MITF: variants seen among roughly 807,000 people sequenced by gnomAD.
The protein encoded by MITF is melanocyte inducing transcription factor, also known as microphthalmia-associated transcription factor.
Under a neutral mutation model 60.5 loss-of-function variants are expected in MITF, and 17 were observed. The observed-to-expected ratio is 0.28, with a 90% CI of 0.19 to 0.42. The LOEUF (loss-of-function observed/expected upper bound fraction) is 0.42, where lower values mean the gene tolerates loss of function less well. MITF is among the 10% of genes least tolerant of loss of function. The pLI, the probability that MITF is intolerant of heterozygous loss-of-function variation, is 1.00. For synonymous variants in MITF, 260 were observed against 248.5 expected, an observed-to-expected ratio of 1.05 and a Z score of -0.43; for missense variants, 622 against 683.5, an observed-to-expected ratio of 0.91 and a Z score of 1.00.
chr3:69,770,169 T>C (rs914363021), intron 1 of MITF, among the ~76,000 whole-genome samples: 2 of 152,210 alleles, frequency 1.3e-5, no homozygotes, highest in Non-Finnish European at 2.9e-5. Context: ...TAAATCTACC[T>C]CCTAATTCCT....
At position 69,967,791 on chromosome 3, in the gene MITF, G is replaced by C. The variant is rs1338547588; in HGVS notation, c.*2543G>C. The stretch of plus-strand genomic sequence containing the variant: ...AGCCAAGAGGCAGTGGTTTGGGCTT[G>C]TTGTTTGTAACAAGAAAATGATCCA... On this transcript the variant is annotated 3_prime_UTR_variant, in exon 10 of 10. Transcript: ENST00000352241. 1 of 233,010 alleles carries C rather than the reference G, an allele frequency of 4.3e-6. No individual in the cohort carries two copies. The highest frequency in any genetic ancestry group is 1.3e-3 in the Middle Eastern group (1 of 786). The allele number at this position is 233,010 out of a possible 1,614,324, so 14.4% of individuals were successfully genotyped here.
chr3:69,747,083 T>A (rs1703755450), intron 1 of MITF, among the ~76,000 whole-genome samples: 1 of 152,204 alleles, frequency 6.6e-6, no homozygotes, highest in African/African-American at 2.4e-5. Flanking sequence ...TTATCTTTAA[T>A]GGCTGACCTT....
rs1035613507 is a variant in MITF at position 69,938,684 on chromosome 3, A to T, written c.583-414A>T. 5 of 1,309,720 alleles carry T rather than the reference A, an allele frequency of 3.8e-6. No individual in the cohort carries two copies. The African/African-American group carries it at 7.4e-5, about 19-fold the overall frequency. The allele number at this position is 1,309,720 out of a possible 1,614,324, so 81.1% of individuals were successfully genotyped here. ...AAACTACCTTCAAGCTAATTGGTGC[A>T]TCAAAATTTGCAGCATACAAATACC... On this transcript the variant is annotated intron_variant, in intron 3 of 9. Coordinates refer to ENST00000352241, the MANE Select transcript of MITF (RefSeq NM_001354604.2).
chr3:69,873,107 A>G (rs1270702304), intron 1 of MITF, among the ~76,000 whole-genome samples: 1 of 152,204 alleles, frequency 6.6e-6, no homozygotes, highest in Non-Finnish European at 1.5e-5. Context: ...CTTGATGACT[A>G]AAACCCAAGT....
chr3:69,767,248 C>G (rs1020578739), intron 1 of MITF, among the ~76,000 whole-genome samples: 1 of 152,082 alleles, frequency 6.6e-6, no homozygotes, highest in African/African-American at 2.4e-5. Context: ...TGGGCTCTGC[C>G]TTCTTGTAAC....
intron 1 of MITF, among the ~76,000 whole-genome samples, chr3:69,864,057 TA>T (rs1205595992): frequency 2.0e-5 from 3 of 152,198 alleles, no homozygotes; most frequent in Non-Finnish European, 2.9e-5. Context: ...AGAGCTTTTT[TA>T]AAAATTGAGC....
chr3:69,750,106 A>C (rs1304996141), intron 1 of MITF, among the ~76,000 whole-genome samples: 1 of 152,164 alleles, frequency 6.6e-6, no homozygotes, highest in African/African-American at 2.4e-5. Flanking sequence ...AATCAATGAT[A>C]CCACATGTCA....
In MITF at chr3:69,968,122, T is replaced by C. The variant is rs903089391; in HGVS notation, c.*2874T>C. The C allele has an allele frequency of 3.4e-5, 8 of 233,256 alleles. No homozygotes were observed. Among genetic ancestry groups the C allele is most frequent in the Non-Finnish European group, 4.2e-5 (5 of 117,862 alleles). 14.4% of individuals were successfully genotyped at this position (233,256 alleles called of 1,614,324 possible). A position where few individuals can be genotyped will look rare whatever the true frequency, so the allele number is the denominator to read the frequency against. On this transcript the variant is annotated 3_prime_UTR_variant, in exon 10 of 10. Transcript: ENST00000352241. ...GGGAAAAAGTTGATGTCAATAACAG[T>C]ATAAAACAGCCCTATTTCTTGATAA...
At chr3:69,753,127 A>G (rs1703997887) in intron 1 of MITF, among the ~76,000 whole-genome samples, 1 of 152,168 alleles carries the variant, frequency 6.6e-6, no homozygotes, top group Non-Finnish European at 1.5e-5. Flanking sequence ...GCTGCCCTGC[A>G]TAGCCTTGGG....
intron 1 of MITF, among the ~76,000 whole-genome samples, chr3:69,844,875 G>T (rs1245507133): frequency 6.6e-6 from 1 of 151,956 alleles, no homozygotes; most frequent in African/African-American, 2.4e-5. Flanking sequence ...AATCAGATCT[G>T]GTAACATTGA....
At position 69,965,006 on chromosome 3, in the gene MITF, A is replaced by C; in HGVS notation, c.1339A>C (p.Thr447Pro). Residue 447 changes from threonine (T) to proline (P), a missense_variant, in exon 10 of 10, where the codon ACT becomes CCT. Coordinates refer to ENST00000352241, the MANE Select transcript of MITF (RefSeq NM_001354604.2). ...TCATGCAGACCTAACCTGTACAACA[A>C]CTCTCGATCTCACGGATGGCACCAT... ...QHHADLTCTT[T>P]LDLTDGTITF... 1 of 1,613,912 alleles carries C rather than the reference A, an allele frequency of 6.2e-7. No individual in the cohort carries two copies. Among genetic ancestry groups the C allele is most frequent in the Non-Finnish European group, 8.5e-7 (1 of 1,179,968 alleles).
chr3:69,768,559 T>C lies in MITF; in HGVS notation c.104+28858T>C, dbSNP rs115025350. Among the ~76,000 whole-genome samples the C allele has an allele frequency of 3.5e-3, 532 of 152,344 alleles. 3 individuals are homozygous for C. Among genetic ancestry groups the C allele is most frequent in the African/African-American group, 0.012 (504 of 41,582 alleles). ...AAAAGTCTTCCATACATAATTTGGC[T>C]TTGGTGGCTGCTTCAGATTAGCCAT... On this transcript the variant is annotated intron_variant, in intron 1 of 9. Coordinates refer to ENST00000352241, the MANE Select transcript of MITF (RefSeq NM_001354604.2).
At chr3:69,825,346 A>C (rs1270695368) in intron 1 of MITF, among the ~76,000 whole-genome samples, 1 of 152,170 alleles carries the variant, frequency 6.6e-6, no homozygotes, top group Non-Finnish European at 1.5e-5. Context: ...AAAATCTGGA[A>C]GTTTGCCATT....
intron 2 of MITF, among the ~76,000 whole-genome samples, chr3:69,906,785 A>G (rs1249645156): frequency 6.6e-6 from 1 of 152,122 alleles, no homozygotes; most frequent in Non-Finnish European, 1.5e-5. Flanking sequence ...TTGTTTGTTT[A>G]TTGTGTAATA....
intron 2 of MITF, among the ~76,000 whole-genome samples, chr3:69,907,065 C>T (rs939653365): frequency 6.6e-6 from 1 of 152,130 alleles, no homozygotes; most frequent in Non-Finnish European, 1.5e-5. Flanking sequence ...TAACAAGTTA[C>T]CCAAAGCTAC....
intron 1 of MITF, among the ~76,000 whole-genome samples, chr3:69,865,724 G>A (rs893707984): frequency 1.3e-5 from 2 of 152,118 alleles, no homozygotes; most frequent in Non-Finnish European, 2.9e-5. Flanking sequence ...TCTCTAGCCT[G>A]TCAGCAAGGA....
rs534396837 is a variant in MITF at position 69,749,048 on chromosome 3, T to G, written c.104+9347T>G. Among the ~76,000 whole-genome samples, 506 of 150,100 alleles carry G rather than the reference T, an allele frequency of 3.4e-3. 2 individuals carry two copies. The highest frequency in any genetic ancestry group is 0.011 in the South Asian group (55 of 4,826). ...TGTTTTTCAAAAACATACATTTTAT[T>G]TTTTACAGTTGGAGATTTGAAATTT... On this transcript the variant is annotated intron_variant, in intron 1 of 9. Coordinates refer to ENST00000352241, the MANE Select transcript of MITF (RefSeq NM_001354604.2).
intron 2 of MITF, chr3:69,936,946 T>TA: frequency 3.0e-5 from 14 of 472,106 alleles, no homozygotes; most frequent in Non-Finnish European, 4.4e-5. Flanking sequence ...TTAGTAGGAT[T>TA]CTTTTTTTTT....
At chr3:69,955,943 A>G (rs1034222367) in intron 7 of MITF, among the ~76,000 whole-genome samples, 8 of 152,180 alleles carry the variant, frequency 5.3e-5, no homozygotes, top group Admixed American at 2.0e-4. Flanking sequence ...CGTATGTTAT[A>G]TTTTGAATTT....
Sources: allele counts gnomAD v4.1 joint callset (sites outside exome capture counted in the v4.1 genomes callset), GRCh38; gene constraint gnomAD v4.1.1; transcripts MANE v1.5; gene names NCBI Gene and HGNC (gene_info 2026-07-23, HGNC 2026-07-21).